ZSCAN18: variants seen among roughly 807,000 people sequenced by gnomAD.
The protein encoded by ZSCAN18 is zinc finger and SCAN domain-containing protein 18.
Under a neutral mutation model 31.1 loss-of-function variants are expected in ZSCAN18, and 16 were observed. That is an observed-to-expected ratio of 0.51 (90% CI 0.35 to 0.78). ZSCAN18 has a LOEUF of 0.78. ZSCAN18 is among the 30% of genes least tolerant of loss of function. The pLI is 0.01. For synonymous variants in ZSCAN18, 375 were observed against 320.7 expected (o/e 1.17, Z -1.81); for missense variants, 731 against 697.4 (o/e 1.05, Z -0.54).
upstream of ZSCAN18, among the ~76,000 whole-genome samples, chr19:58,101,793 T>C (rs1210435495): frequency 6.6e-6 from 1 of 152,046 alleles, no homozygotes. Flanking sequence ...GTGCTAGGAT[T>C]ACAGGTGTGA....
At chr19:58,091,192 C>T (rs2074402705) in intron 1 of ZSCAN18, among the ~76,000 whole-genome samples, 1 of 150,880 alleles carries the variant, frequency 6.6e-6, no homozygotes, top group Non-Finnish European at 1.5e-5. Context: ...CTGCTTGAAC[C>T]CTGAGGCAGA....
chr19:58,105,985 G>GA (rs1226486666), intron 1 of ZSCAN18, among the ~76,000 whole-genome samples: 8 of 149,444 alleles, frequency 5.4e-5, no homozygotes, highest in East Asian at 3.9e-4. Context: ...TATCAAAAAA[G>GA]AAAAAAAAAG....
intron 1 of ZSCAN18, chr19:58,107,927 G>A (rs2074648480): frequency 1.9e-6 from 2 of 1,075,802 alleles, no homozygotes; most frequent in African/African-American, 1.7e-5. Flanking sequence ...TACACTCGTA[G>A]GGCTTCTCAC....
At chr19:58,085,906 G>A (rs1266945700) in intron 6 of ZSCAN18, 9 of 424,810 alleles carry the variant, frequency 2.1e-5, no homozygotes, top group East Asian at 3.8e-5. Flanking sequence ...GGGGCAGAAC[G>A]GCCACCCCCG....
rs777148933 is a variant in ZSCAN18 at position 58,117,580 on chromosome 19, A to C, written c.130+687T>G. The stretch of plus-strand genomic sequence containing the variant: ...AAGTGGGGAAAGCGTCCTTGGGAGT[A>C]AGACACGGGAAGCAGAATAGGTTGT... On this transcript the variant is annotated intron_variant, in intron 1 of 1. Transcript: ENST00000595721. Among the ~76,000 whole-genome samples, 152 of 152,180 alleles carry C rather than the reference A, an allele frequency of 1.0e-3. 1 individual carries two copies. Among genetic ancestry groups the C allele is most frequent in the Non-Finnish European group, 1.6e-3 (112 of 67,996 alleles).
At chr19:58,091,721 C>A (rs915875277) in intron 1 of ZSCAN18, among the ~76,000 whole-genome samples, 16 of 152,148 alleles carry the variant, frequency 1.1e-4, no homozygotes, top group Non-Finnish European at 2.2e-4. Context: ...CAGAACCCAG[C>A]GGGTCACAGC....
chr19:58,107,657 T>C, intron 1 of ZSCAN18: 8 of 986,106 alleles, frequency 8.1e-6, no homozygotes, highest in Non-Finnish European at 9.6e-6. Context: ...AACATATTTG[T>C]TACTTTCAAA....
At chr19:58,112,472 A>C (rs1182023707) in intron 1 of ZSCAN18, among the ~76,000 whole-genome samples, 2 of 151,676 alleles carry the variant, frequency 1.3e-5, no homozygotes, top group African/African-American at 4.8e-5. Context: ...AACACAGTGA[A>C]ACCCCGTCTC....
At chr19:58,100,295 A>T (rs1286342438), upstream of ZSCAN18, among the ~76,000 whole-genome samples, 1 of 152,070 alleles carries the variant, frequency 6.6e-6, no homozygotes, top group Non-Finnish European at 1.5e-5. Context: ...GGAACTGCCA[A>T]ATGGAAGAGA....
chr19:58,088,217 C>G (rs1222731010), intron 3 of ZSCAN18: 1 of 159,490 alleles, frequency 6.3e-6, no homozygotes, highest in Non-Finnish European at 1.4e-5. Flanking sequence ...TGGGGATGGG[C>G]TGAGCACGCG....
At chr19:58,089,552 G>A (rs1216987927) in intron 2 of ZSCAN18, among the ~76,000 whole-genome samples, 1 of 152,200 alleles carries the variant, frequency 6.6e-6, no homozygotes, top group Non-Finnish European at 1.5e-5. Flanking sequence ...CTTGAACCCA[G>A]GAGGTGGAGG....
chr19:58,112,297 A>C (rs1321975092), intron 1 of ZSCAN18, among the ~76,000 whole-genome samples: 1 of 152,038 alleles, frequency 6.6e-6, no homozygotes, highest in African/African-American at 2.4e-5. Context: ...GGCCTCCCAA[A>C]ATGTCCCGAT....
chr19:58,100,248 C>A (rs1183485142), upstream of ZSCAN18, among the ~76,000 whole-genome samples: 1 of 152,074 alleles, frequency 6.6e-6, no homozygotes, highest in Non-Finnish European at 1.5e-5. Context: ...AGCCACCATG[C>A]CCAGTCTTTC....
chr19:58,084,806 A>G lies in ZSCAN18; in HGVS notation c.1412T>C (p.Leu471Pro). 1 of 1,584,176 alleles carries G rather than the reference A, an allele frequency of 6.3e-7. No individual in the cohort carries two copies. The highest frequency in any genetic ancestry group is 8.5e-7 in the Non-Finnish European group (1 of 1,170,060). The change falls in exon 7 of 7, where the codon CTG (leucine) becomes CCG (proline). Residue 471 changes from leucine to proline, a missense_variant. Leu to Pro is a moderately conservative substitution (Grantham distance 98, BLOSUM62 -3). Coordinates refer to ENST00000601144, the MANE Select transcript of ZSCAN18 (RefSeq NM_001145543.2). This position sits in a 1 kb window ranked among gnomAD's most constrained non-coding sequence, Gnocchi z 4.5. ...CGGTTGGGGGCCCCGGGCGCCCCCC[A>G]GCGCGTAGCTTTTCTCCTTCTCGTG... Reference protein sequence around the residue: ...KTHEKEKSYALGGARGPQPST... With the variant: ...KTHEKEKSYAPGGARGPQPST...
chr19:58,107,808 C>G (rs2074647177), intron 1 of ZSCAN18: 1 of 995,794 alleles, frequency 1.0e-6, no homozygotes, highest in Non-Finnish European at 1.2e-6. Context: ...AGCACAGATA[C>G]TTGGGAAAAC....
intron 4 of ZSCAN18, 82 bp from the exon 5 acceptor site, chr19:58,087,090 G>C: frequency 6.3e-6 from 8 of 1,270,704 alleles, no homozygotes; most frequent in Non-Finnish European, 8.9e-6. Flanking sequence ...CACAGGAGCA[G>C]GCTAGGAGCC....
At chr19:58,108,130 GCTGA>G (rs2146024003) in intron 1 of ZSCAN18, 1 of 987,640 alleles carries the variant, frequency 1.0e-6, no homozygotes, top group African/African-American at 1.7e-5. Context: ...ATGCAAAAGA[GCTGA>G]CTGTTGTGGT....
intron 1 of ZSCAN18, among the ~76,000 whole-genome samples, chr19:58,091,646 G>A (rs2145988872): frequency 6.6e-6 from 1 of 152,274 alleles, no homozygotes; most frequent in Admixed American, 6.5e-5. Context: ...CTATCATTAA[G>A]TGAAGCCAGT....
Position 58,085,000 on chromosome 19 carries a change from G to C in ZSCAN18, c.1218C>G (p.Gly406=). 1 of 1,593,710 alleles carries C rather than the reference G, an allele frequency of 6.3e-7. No homozygotes were observed. Among genetic ancestry groups the C allele is most frequent in the Non-Finnish European group, 8.5e-7 (1 of 1,170,648 alleles). ...AGGCATAGGGCTTCCCGCGGGACAA[G>C]CCCGGCTCGTCAGCCCCAGGGCCCT... ...AGQGPGADEP[G]LSRGKPYACG... The change falls in exon 7 of 7, where the codon GGC becomes GGG. Residue 406 remains glycine (G), a synonymous_variant. Coordinates refer to ENST00000601144, the MANE Select transcript of ZSCAN18 (RefSeq NM_001145543.2). This position sits in a 1 kb window ranked among gnomAD's most constrained non-coding sequence, Gnocchi z 4.5.
Sources: allele counts gnomAD v4.1 joint callset (sites outside exome capture counted in the v4.1 genomes callset), GRCh38; gene constraint gnomAD v4.1.1; non-coding constraint Gnocchi (gnomAD v3.1); transcripts MANE v1.5; gene names NCBI Gene and HGNC (gene_info 2026-07-23, HGNC 2026-07-21).